MAP3K15: variants seen among roughly 807,000 people sequenced by gnomAD.
MAP3K15 encodes the protein mitogen-activated protein kinase kinase kinase 15.
In MAP3K15, 124 loss-of-function variants were observed where a neutral mutation model predicts 99.5. The ratio of observed to expected loss-of-function variants is 1.25; its 90% confidence interval spans 1.08 to 1.45. The LOEUF is 1.45. Ranked by LOEUF, MAP3K15 falls within the 40% of genes most tolerant of loss-of-function variation. The pLI is 0.00. For synonymous variants in MAP3K15, 494 were observed against 439.6 expected, an observed-to-expected ratio of 1.12 and a Z score of -1.55; for missense variants, 1,242 against 1,079.7, an observed-to-expected ratio of 1.15 and a Z score of -2.11.
In MAP3K15 at chrX:19,415,185, G is replaced by T; in HGVS notation, c.1512C>A (p.Pro504=). 1 of 1,179,200 alleles carries T rather than the reference G, an allele frequency of 8.5e-7. No individual in the cohort carries two copies. Among genetic ancestry groups the T allele is most frequent in the Non-Finnish European group, 1.1e-6 (1 of 883,887 alleles). Reference sequence around the variant, plus strand: ...ACCAGAAGTTCAGCCGCTCTTGCCTGGGCGAGTGTTCAATAATGGTTTTCT... The same window carrying T: ...ACCAGAAGTTCAGCCGCTCTTGCCTTGGCGAGTGTTCAATAATGGTTTTCT... ...RFKKTIIEHS[P]RQERLNFWLD... is the part of the protein sequence containing the mutation. Residue 504 remains proline (P), a synonymous_variant, in exon 10 of 29, where the codon CCC becomes CCA. Transcript: ENST00000338883.
chrX:19,414,934 G>A (rs1219998848), intron 10 of MAP3K15, among the ~76,000 whole-genome samples, 173 bp downstream of exon 10: 1 of 112,065 alleles, frequency 8.9e-6, no homozygotes, highest in Non-Finnish European at 1.9e-5. Flanking sequence ...TATGGCCAAT[G>A]ATCTATGAGT....
At chrX:19,486,045 G>A (rs190054862) in intron 3 of MAP3K15, among the ~76,000 whole-genome samples, 34 of 111,763 alleles carry the variant, frequency 3.0e-4, no homozygotes, top group African/African-American at 1.1e-3. Flanking sequence ...CTTCTTTTCC[G>A]TTTGTGGCAA....
At chrX:19,461,348 G>C (rs1011634556) in intron 4 of MAP3K15, among the ~76,000 whole-genome samples, 1 of 112,149 alleles carries the variant, frequency 8.9e-6, no homozygotes, top group African/African-American at 3.2e-5. Context: ...ACCTGCCTCA[G>C]CCTTCCAAAG....
Position 19,369,228 on chromosome X carries a change from C to A in MAP3K15, c.3401-9G>T, listed in dbSNP as rs1286780577. Reference sequence around the variant, plus strand: ...AAAGTGGGCTCGGAGCTCTGCAAATCACACAAGACATGACAATGGTGAGCA... The same window carrying A: ...AAAGTGGGCTCGGAGCTCTGCAAATAACACAAGACATGACAATGGTGAGCA... On this transcript the variant is annotated splice_polypyrimidine_tract_variant and intron_variant, in intron 24 of 28. Transcript: ENST00000338883. 6 of 1,209,383 alleles carry A rather than the reference C, an allele frequency of 5.0e-6. No individual in the cohort carries two copies. The highest frequency in any genetic ancestry group is 5.6e-6 in the Non-Finnish European group (5 of 894,899).
Position 19,413,496 on chromosome X carries a change from A to C in MAP3K15, c.1591-32T>G, listed in dbSNP as rs770760139. Reference sequence around the variant, plus strand: ...CAAGAACAGATGCCTGTTAACGTACATGGGTAGAAAACATAGCGCACCCTG... The same window carrying C: ...CAAGAACAGATGCCTGTTAACGTACCTGGGTAGAAAACATAGCGCACCCTG... On this transcript the variant is annotated intron_variant, in intron 10 of 28. Coordinates refer to ENST00000338883, the MANE Select transcript of MAP3K15 (RefSeq NM_001001671.4). 17 of 1,085,287 alleles carry C rather than the reference A, an allele frequency of 1.6e-5. No individual in the cohort carries two copies. The African/African-American group carries it at 3.1e-4, about 20-fold the overall frequency. 89.4% of individuals were successfully genotyped at this position (1,085,287 alleles called of 1,213,427 possible). A position where few individuals can be genotyped will look rare whatever the true frequency, so the allele number is the denominator to read the frequency against.
At chrX:19,384,749 G>GAAAAAA (rs34619145) in intron 18 of MAP3K15, among the ~76,000 whole-genome samples, 12 of 22,549 alleles carry the variant, frequency 5.3e-4, no homozygotes, top group African/African-American at 2.3e-3. Context: ...TGTCTCAGGG[G>GAAAAAA]AAAAAAAAAA....
At position 19,464,322 on chromosome X, in the gene MAP3K15, G is replaced by A. The variant is rs1479162886; in HGVS notation, c.610C>T (p.Arg204Ter). 6 of 1,198,784 alleles carry A rather than the reference G, an allele frequency of 5.0e-6. No individual in the cohort carries two copies. The highest frequency in any genetic ancestry group is 3.5e-5 in the African/African-American group (2 of 57,641). The change falls in exon 4 of 29, where the codon CGA (arginine) becomes TGA (stop). Residue 204 changes from arginine (R) to a stop codon, truncating the protein, a stop_gained. Transcript: ENST00000338883. LOFTEE classifies it high-confidence loss of function. Reference sequence around the variant, plus strand: ...TTGGGCTGCATGTACTCGGAGGCTCGTCTCTGGGCATCACTCTCGCAGCAA... The same window carrying A: ...TTGGGCTGCATGTACTCGGAGGCTCATCTCTGGGCATCACTCTCGCAGCAA... ...YFCCESDAQR[R>*]ASEYMQPNWD...
chrX:19,418,837 C>T (rs1434299309), intron 9 of MAP3K15, among the ~76,000 whole-genome samples: 1 of 112,240 alleles, frequency 8.9e-6, no homozygotes, highest in Non-Finnish European at 1.9e-5. Flanking sequence ...AACAGCTGAT[C>T]TCTCTGCAGA....
chrX:19,438,398 A>G (rs2063937081), intron 6 of MAP3K15, among the ~76,000 whole-genome samples: 1 of 112,249 alleles, frequency 8.9e-6, no homozygotes. Flanking sequence ...ATGAGCCAAC[A>G]CATCTATTAC....
At chrX:19,512,622 A>T (rs772741989) in intron 1 of MAP3K15, among the ~76,000 whole-genome samples, 1 of 103,990 alleles carries the variant, frequency 9.6e-6, no homozygotes, top group Non-Finnish European at 1.9e-5. Context: ...CCACAGGCAC[A>T]TGGGTGCCAC....
chrX:19,453,051 C>A (rs2064066846), intron 6 of MAP3K15, among the ~76,000 whole-genome samples: 2 of 111,122 alleles, frequency 1.8e-5, no homozygotes, highest in African/African-American at 6.5e-5. Context: ...GAGCAACGGG[C>A]AGCTGTTTAA....
chrX:19,508,828 G>A (rs940742400), intron 1 of MAP3K15, among the ~76,000 whole-genome samples: 2 of 111,727 alleles, frequency 1.8e-5, no homozygotes, highest in African/African-American at 6.5e-5. Context: ...AGGCTGCAGT[G>A]TGCCAAGATC....
At chrX:19,414,985 T>C (rs1183436605) in intron 10 of MAP3K15, 122 bp downstream of exon 10, 1 of 624,536 alleles carries the variant, frequency 1.6e-6, no homozygotes, top group East Asian at 3.7e-5. Context: ...AAGATTGATG[T>C]TTATCCCAAC....
At chrX:19,498,627 T>C (rs752108643) in intron 1 of MAP3K15, among the ~76,000 whole-genome samples, 4 of 112,067 alleles carry the variant, frequency 3.6e-5, no homozygotes, top group African/African-American at 1.3e-4. Flanking sequence ...AAGGATAACC[T>C]GCACTTCCTG....
chrX:19,434,698 C>G (rs901649216), intron 6 of MAP3K15, among the ~76,000 whole-genome samples: 1 of 111,794 alleles, frequency 8.9e-6, no homozygotes, highest in African/African-American at 3.2e-5. Context: ...ATTTGAGTGA[C>G]TATTTTTTCA....
chrX:19,471,467 G>C (rs905739361), intron 3 of MAP3K15, among the ~76,000 whole-genome samples: 1 of 111,038 alleles, frequency 9.0e-6, no homozygotes, highest in Non-Finnish European at 1.9e-5. Context: ...TCTCCATGTT[G>C]GTCAGGCTGG....
At position 19,486,433 on chromosome X, in the gene MAP3K15, C is replaced by A. The variant is rs59029046; in HGVS notation, c.525+49G>T. 2,605 of 587,241 alleles carry A rather than the reference C, an allele frequency of 4.4e-3. 60 individuals are homozygous for A. The African/African-American group carries it at 0.054, about 12-fold the overall frequency. The allele number at this position is 587,241 out of a possible 1,213,427, so 48.4% of individuals were successfully genotyped here. On this transcript the variant is annotated intron_variant, in intron 3 of 28. Transcript: ENST00000338883. Reference sequence around the variant, plus strand: ...TTCAGGCAAGCATTTTACAAATTGACATTTACATTTAATTTCAGAATTAAA... The same window carrying A: ...TTCAGGCAAGCATTTTACAAATTGAAATTTACATTTAATTTCAGAATTAAA...
intron 24 of MAP3K15, among the ~76,000 whole-genome samples, chrX:19,370,583 G>C (rs185231743): frequency 1.8e-5 from 2 of 110,219 alleles, no homozygotes; most frequent in African/African-American, 6.6e-5. Flanking sequence ...TTTTAGTAGA[G>C]ACGGGGTTTC....
At chrX:19,432,746 C>T (rs1392387948) in intron 6 of MAP3K15, among the ~76,000 whole-genome samples, 3 of 102,759 alleles carry the variant, frequency 2.9e-5, no homozygotes, top group Non-Finnish European at 3.9e-5. Context: ...GAGACAGTCT[C>T]GCTTTGTCGC....
Sources: allele counts gnomAD v4.1 joint callset (sites outside exome capture counted in the v4.1 genomes callset), GRCh38; gene constraint gnomAD v4.1.1; transcripts MANE v1.5; gene names NCBI Gene and HGNC (gene_info 2026-07-23, HGNC 2026-07-21).